KATNIP: variants seen among roughly 807,000 people sequenced by gnomAD.
The protein encoded by KATNIP is katanin interacting protein.
Under a neutral mutation model 174.0 loss-of-function variants are expected in KATNIP, and 126 were observed. The ratio of observed to expected loss-of-function variants is 0.72; its 90% confidence interval spans 0.63 to 0.84. The LOEUF is 0.84. Among genes scored for constraint, KATNIP ranks in the 40% least tolerant of loss-of-function variants. The probability of loss-of-function intolerance (pLI) is 0.00; values close to 1 mark genes in which losing one functional copy is unlikely to be tolerated. For missense variants in KATNIP, 1,958 were observed against 2,109.7 expected (o/e 0.93, Z 1.41); for synonymous variants, 810 against 835.7 (o/e 0.97, Z 0.53).
In KATNIP at chr16:27,628,903, C is replaced by T. The variant is rs938070268; in HGVS notation, c.310+73C>T. The T allele has an allele frequency of 3.4e-6, 5 of 1,473,084 alleles. No homozygotes were observed. The South Asian group carries it at 3.5e-5, about 10-fold the overall frequency. The allele number at this position is 1,473,084 out of a possible 1,614,324, so 91.3% of individuals were successfully genotyped here. On this transcript the variant is annotated intron_variant, in intron 4 of 27. Coordinates refer to ENST00000261588, the MANE Select transcript of KATNIP (RefSeq NM_015202.5). ...TAATTAGGGGCAGGGTGCAGTGGCT[C>T]ACACCTGTAATCACATCACTTTGGG...
chr16:27,681,404 A>C lies in KATNIP; in HGVS notation c.814A>C (p.Lys272Gln), dbSNP rs1480292681. The C allele has an allele frequency of 6.2e-7, 1 of 1,614,052 alleles. No homozygotes were observed. The highest frequency in any genetic ancestry group is 8.5e-7 in the Non-Finnish European group (1 of 1,180,006). ...AAACAATTGTTTTCCTACAGGTCAT[A>C]AAAGGGAAAGGAATTTGTCTGCAAA... ...LEFNPASKSHKRERNLSAKRK... is the reference protein window; with the variant it reads ...LEFNPASKSHQRERNLSAKRK... The change falls in exon 8 of 28, where the codon AAA becomes CAA. Residue 272 changes from lysine (K) to glutamine (Q), a missense_variant. By Grantham distance (53) the Lys-to-Gln change is moderately conservative (BLOSUM62 1). This residue lies in a region of KATNIP where 1,557 missense variants were observed against 1,617.8 expected (regional missense o/e 0.96). Coordinates refer to ENST00000261588, the MANE Select transcript of KATNIP (RefSeq NM_015202.5).
rs958910688 is a variant in KATNIP, at chr16:27,773,268, G to A, written c.4309+59G>A. 14 of 1,203,506 alleles carry A rather than the reference G, an allele frequency of 1.2e-5. No individual in the cohort carries two copies. In the African/African-American group the frequency reaches 1.5e-4, roughly 13 times the overall value. 74.6% of individuals were successfully genotyped at this position (1,203,506 alleles called of 1,614,324 possible). On this transcript the variant is annotated intron_variant, in intron 23 of 27. Coordinates refer to ENST00000261588, the MANE Select transcript of KATNIP (RefSeq NM_015202.5). ...AGACTGAAGGGAGCATGGGAGGGTCGGGAACGGGGCAGAAGCCTTGTGTGC... is the reference window on the plus strand; with the variant it reads ...AGACTGAAGGGAGCATGGGAGGGTCAGGAACGGGGCAGAAGCCTTGTGTGC...
intron 11 of KATNIP, among the ~76,000 whole-genome samples, chr16:27,703,601 C>G (rs1235325201): frequency 1.3e-5 from 2 of 152,200 alleles, no homozygotes; most frequent in African/African-American, 4.8e-5. Flanking sequence ...GACCCGTAGG[C>G]CTTAGTTCAG....
chr16:27,552,520 G>A (rs111315862), intron 1 of KATNIP, among the ~76,000 whole-genome samples: 1 of 147,334 alleles, frequency 6.8e-6, no homozygotes, highest in African/African-American at 2.5e-5. Context: ...GATCACAGGT[G>A]TGAACCACCA....
chr16:27,621,011 A>G (rs1486730679), intron 3 of KATNIP, among the ~76,000 whole-genome samples: 1 of 152,200 alleles, frequency 6.6e-6, no homozygotes, highest in Non-Finnish European at 1.5e-5. Context: ...AAGAAATCCA[A>G]CATTGAGCTG....
rs1567270234 is a variant in KATNIP at position 27,662,065 on chromosome 16, T to TACACATAC, written c.540+13331_540+13332insCACATACA. Among the ~76,000 whole-genome samples the TACACATAC allele has an allele frequency of 7.3e-5, 7 of 95,866 alleles. 1 individual carries two copies. The highest frequency in any genetic ancestry group is 1.5e-4 in the African/African-American group (3 of 20,400). 62.9% of individuals were successfully genotyped at this position (95,866 alleles called of 152,430 possible). ...ATACACATACATATATATATATATA[T>TACACATAC]ATATATACACACATATATATATACA... On this transcript the variant is annotated intron_variant, in intron 6 of 27. Coordinates refer to ENST00000261588, the MANE Select transcript of KATNIP (RefSeq NM_015202.5).
Position 27,637,780 on chromosome 16 carries a change from CAATCTA to C in KATNIP, c.408+6622_408+6627del, listed in dbSNP as rs2076678513. Among the ~76,000 whole-genome samples, 1 of 152,154 alleles carries C rather than the reference CAATCTA, an allele frequency of 6.6e-6. No homozygotes were observed. The highest frequency in any genetic ancestry group is 1.5e-5 in the Non-Finnish European group (1 of 68,034). The stretch of plus-strand genomic sequence containing the variant: ...AGACCACAGGAGGAAGTTTGGATTT[CAATCTA>C]AATGTGAGAATTTCCAAGAGGGTTG... On this transcript the variant is annotated intron_variant, in intron 5 of 27. Transcript: ENST00000261588. The surrounding 1 kb of genome is among the most constrained non-coding windows in gnomAD (Gnocchi z 4.7).
At chr16:27,686,154 C>A (rs1293749536) in intron 8 of KATNIP, among the ~76,000 whole-genome samples, 3 of 152,176 alleles carry the variant, frequency 2.0e-5, no homozygotes, top group African/African-American at 7.2e-5. Context: ...ACACAAGGAA[C>A]CTGAAACTTC....
At chr16:27,760,408 CA>C (rs1215916323) in intron 18 of KATNIP, among the ~76,000 whole-genome samples, 1 of 152,144 alleles carries the variant, frequency 6.6e-6, no homozygotes, top group Non-Finnish European at 1.5e-5. Context: ...GTTTCCTGGG[CA>C]AATGAATGAC....
chr16:27,580,540 C>G (rs1309097987), intron 2 of KATNIP, among the ~76,000 whole-genome samples: 1 of 152,210 alleles, frequency 6.6e-6, no homozygotes, highest in Non-Finnish European at 1.5e-5. Flanking sequence ...TTCCTGACAC[C>G]AGTCTTCATT....
At chr16:27,563,392 G>A (rs544694476) in intron 1 of KATNIP, among the ~76,000 whole-genome samples, 4 of 152,240 alleles carry the variant, frequency 2.6e-5, no homozygotes, top group Admixed American at 6.5e-5. Flanking sequence ...AGTGGTGCAC[G>A]CCTGTGGTCC....
chr16:27,654,612 C>A, intron 6 of KATNIP: 1 of 1,352,064 alleles, frequency 7.4e-7, no homozygotes. Flanking sequence ...CCCTAGGATA[C>A]CAAATCTCCC....
intron 2 of KATNIP, among the ~76,000 whole-genome samples, chr16:27,580,134 A>T (rs908370860): frequency 6.6e-6 from 1 of 151,854 alleles, no homozygotes; most frequent in African/African-American, 2.4e-5. Flanking sequence ...TTTGTTTTAG[A>T]CAGGGTCTCG....
chr16:27,729,668 G>A (rs777023530), intron 14 of KATNIP, among the ~76,000 whole-genome samples: 2 of 152,104 alleles, frequency 1.3e-5, no homozygotes, highest in African/African-American at 2.4e-5. Context: ...TTCTTACTGC[G>A]AATGCACACT....
intron 7 of KATNIP, among the ~76,000 whole-genome samples, chr16:27,678,315 G>C (rs2078199034): frequency 6.6e-6 from 1 of 152,164 alleles, no homozygotes; most frequent in African/African-American, 2.4e-5. Context: ...TTATTGACTT[G>C]AGTAACTGAA....
chr16:27,738,222 C>T (rs757349610), intron 14 of KATNIP, among the ~76,000 whole-genome samples: 4 of 152,016 alleles, frequency 2.6e-5, no homozygotes, highest in African/African-American at 7.3e-5. Flanking sequence ...CCAGAAAGGA[C>T]GATCAGTATA....
At chr16:27,679,061 T>C (rs2078229583) in intron 7 of KATNIP, 2 of 152,220 alleles carry the variant, frequency 1.3e-5, no homozygotes, top group African/African-American at 4.8e-5. Context: ...AAGACAAACT[T>C]TTCTGAACCA....
intron 19 of KATNIP, among the ~76,000 whole-genome samples, chr16:27,765,999 G>T (rs927123577): frequency 6.6e-6 from 1 of 151,672 alleles, no homozygotes; most frequent in Non-Finnish European, 1.5e-5. Context: ...TGGGATCACT[G>T]GGCTAAAGGA....
chr16:27,739,899 A>G, intron 14 of KATNIP, 142 bp from the exon 15 acceptor site: 2 of 816,560 alleles, frequency 2.4e-6, no homozygotes, highest in South Asian at 1.9e-5. Flanking sequence ...CTAGTTTCAC[A>G]CCCCCAGCAC....
Sources: allele counts gnomAD v4.1 joint callset (sites outside exome capture counted in the v4.1 genomes callset), GRCh38; gene constraint gnomAD v4.1.1; regional missense constraint gnomAD v4.1.1; non-coding constraint Gnocchi (gnomAD v3.1); transcripts MANE v1.5; gene names NCBI Gene and HGNC (gene_info 2026-07-23, HGNC 2026-07-21).